TENM3: variants seen among roughly 807,000 people sequenced by gnomAD.
The protein encoded by TENM3 is teneurin-3.
Under a neutral mutation model 255.1 loss-of-function variants are expected in TENM3, and 63 were observed. The ratio of observed to expected loss-of-function variants is 0.25; its 90% confidence interval spans 0.20 to 0.30. The LOEUF (loss-of-function observed/expected upper bound fraction) is 0.30, where lower values mean the gene tolerates loss of function less well. TENM3 is among the 10% of genes least tolerant of loss of function. The pLI is 1.00. For missense variants in TENM3, 2,929 were observed against 3,461.1 expected, an observed-to-expected ratio of 0.85 and a Z score of 3.86; for synonymous variants, 1,306 against 1,322.3, an observed-to-expected ratio of 0.99 and a Z score of 0.27.
chr4:182,075,191 GT>G, the TENM3 span, among the ~76,000 whole-genome samples: 1 of 116,706 alleles, frequency 8.6e-6, no homozygotes, highest in Non-Finnish European at 1.7e-5. Context: ...GTGGACACTT[GT>G]TTTTTTTCTT....
intron 1 of TENM3, among the ~76,000 whole-genome samples, chr4:182,222,770 A>T (rs574747170): frequency 1.2e-4 from 19 of 152,174 alleles, no homozygotes; most frequent in Non-Finnish European, 2.4e-4. Context: ...ATTTTAATTT[A>T]CAGTGGGATG....
the TENM3 span, among the ~76,000 whole-genome samples, chr4:181,460,678 C>CT: frequency 0.084 from 11,474 of 136,758 alleles, 1,229 homozygotes; most frequent in African/African-American, 0.24. Flanking sequence ...AGCTATAGTT[C>CT]TTTTTTTTTT....
At chr4:182,521,624 TC>T (rs2151785080) in intron 3 of TENM3, among the ~76,000 whole-genome samples, 1 of 152,094 alleles carries the variant, frequency 6.6e-6, no homozygotes, top group South Asian at 2.1e-4. Context: ...AGCATGAGAG[TC>T]ACTTCTTTGT....
the TENM3 span, among the ~76,000 whole-genome samples, chr4:181,684,839 C>G: frequency 3.3e-5 from 5 of 151,022 alleles, no homozygotes; most frequent in African/African-American, 1.2e-4. Flanking sequence ...ACTGCAGCCT[C>G]GAACTCCTGG....
At chr4:182,287,136 G>A (rs1012236601) in intron 1 of TENM3, among the ~76,000 whole-genome samples, 1 of 152,214 alleles carries the variant, frequency 6.6e-6, no homozygotes, top group Non-Finnish European at 1.5e-5. Context: ...GCTGAAGTGG[G>A]AGGATCACTT....
chr4:182,368,802 A>G (rs973330392), intron 3 of TENM3, among the ~76,000 whole-genome samples: 3 of 152,192 alleles, frequency 2.0e-5, no homozygotes, highest in African/African-American at 7.2e-5. Context: ...CTTGTACGGC[A>G]TGTGCAGCCC....
chr4:181,983,245 C>T, the TENM3 span, among the ~76,000 whole-genome samples: 5 of 152,084 alleles, frequency 3.3e-5, no homozygotes, highest in East Asian at 5.8e-4. Flanking sequence ...TGTTACATGC[C>T]CAGCACCACA....
At chr4:181,642,526 T>TTTGGTCAA in the TENM3 span, among the ~76,000 whole-genome samples, 248 of 152,320 alleles carry the variant, frequency 1.6e-3, 1 homozygote, top group African/African-American at 5.5e-3. Flanking sequence ...TTTGGTGTCT[T>TTTGGTCAA]AGACATGAAG....
chr4:182,755,566 C>T (rs556515983), intron 22 of TENM3, among the ~76,000 whole-genome samples: 2 of 152,088 alleles, frequency 1.3e-5, no homozygotes, highest in East Asian at 1.9e-4. Flanking sequence ...TGGCCGGGCG[C>T]AGTGGCTCAC....
intron 1 of TENM3, among the ~76,000 whole-genome samples, chr4:182,155,236 G>A (rs188943483): frequency 5.3e-5 from 8 of 152,172 alleles, no homozygotes; most frequent in African/African-American, 1.9e-4. Context: ...TATTTCTGAG[G>A]CTACAAGCTT....
In TENM3 at chr4:182,764,094, G is replaced by A. The variant is rs572157563; in HGVS notation, c.4892+8835G>A. ...TGAGGAAGCACAGTTTCCAAAAGCA[G>A]CTATGCCACCTAAAAGAAAATGAAA... is the stretch of plus-strand genomic sequence containing the variant. On this transcript the variant is annotated intron_variant, in intron 22 of 27. Coordinates refer to ENST00000511685, the MANE Select transcript of TENM3 (RefSeq NM_001080477.4). Among the ~76,000 whole-genome samples, 6 of 152,334 alleles carry A rather than the reference G, an allele frequency of 3.9e-5. No homozygotes were observed. In the South Asian group the frequency reaches 1.0e-3, roughly 26 times the overall value.
chr4:181,615,370 C>T, the TENM3 span, among the ~76,000 whole-genome samples: 1 of 152,152 alleles, frequency 6.6e-6, no homozygotes, highest in Non-Finnish European at 1.5e-5. Flanking sequence ...AGAAAAATGT[C>T]ATGAAGTCTA....
the TENM3 span, among the ~76,000 whole-genome samples, chr4:181,467,125 A>ATATATATTTTTTTTT: frequency 5.7e-5 from 1 of 17,604 alleles, no homozygotes. Flanking sequence ...ATATATATAT[A>ATATATATTTTTTTTT]TTTTTTTTTT....
At chr4:182,001,713 C>T in the TENM3 span, among the ~76,000 whole-genome samples, 1 of 152,052 alleles carries the variant, frequency 6.6e-6, no homozygotes, top group Non-Finnish European at 1.5e-5. Context: ...CTCTAAAGTG[C>T]ATTGAGTTCT....
At chr4:182,354,127 G>A (rs1765367688) in intron 3 of TENM3, among the ~76,000 whole-genome samples, 2 of 152,140 alleles carry the variant, frequency 1.3e-5, no homozygotes, top group South Asian at 4.2e-4. Context: ...TTTTCAGAAA[G>A]CTTGGCAGTT....
chr4:182,029,529 T>G, the TENM3 span, among the ~76,000 whole-genome samples: 4 of 152,138 alleles, frequency 2.6e-5, no homozygotes, highest in Non-Finnish European at 5.9e-5. Flanking sequence ...TGGGTGCATA[T>G]ATATTTAAAA....
chr4:181,476,214 T>G, the TENM3 span, among the ~76,000 whole-genome samples: 3 of 137,028 alleles, frequency 2.2e-5, no homozygotes, highest in East Asian at 4.3e-4. Context: ...GGGTTTTTTT[T>G]TTTTTTTTTT....
chr4:181,494,445 C>T, the TENM3 span, among the ~76,000 whole-genome samples: 2 of 152,044 alleles, frequency 1.3e-5, no homozygotes, highest in South Asian at 4.1e-4. Flanking sequence ...CCACCACGCC[C>T]AGCTAATTTT....
Position 182,533,501 on chromosome 4 carries a change from T to TG in TENM3, c.512-67422dup, listed in dbSNP as rs1739972611. On this transcript the variant is annotated intron_variant, in intron 3 of 27. Transcript: ENST00000511685. ...CTGCAGTGAGCCGTGATCACACCAC[T>TG]GCACTCCTGCCTGGGCAATAGAGGA... Among the ~76,000 whole-genome samples, 3 of 145,992 alleles carry TG rather than the reference T, an allele frequency of 2.1e-5. No homozygotes were observed. The Admixed American group carries it at 2.1e-4, about 10-fold the overall frequency.
Sources: gnomAD v4.1 joint callset for allele counts (sites outside exome capture counted in the v4.1 genomes callset) on GRCh38, gnomAD v4.1.1 for gene constraint, MANE v1.5 for transcripts, NCBI Gene and HGNC (gene_info 2026-07-23, HGNC 2026-07-21) for gene names.